Variants in SLC3A1 observed in about 807,000 individuals in gnomAD.
The protein encoded by SLC3A1 is solute carrier family 3 member 1.
SLC3A1 carries 78 observed loss-of-function variants against 60.3 expected under a neutral mutation model. That is an observed-to-expected ratio of 1.29 (90% confidence interval 1.08 to 1.56). The LOEUF (loss-of-function observed/expected upper bound fraction) is 1.56, where lower values mean the gene tolerates loss of function less well. Among genes scored for constraint, SLC3A1 ranks in the 40% most tolerant of loss-of-function variants. SLC3A1 has a pLI of 0.00. For missense variants in SLC3A1, 1,172 were observed against 858.9 expected (o/e 1.36, Z -4.56); for synonymous variants, 392 against 307.9 (o/e 1.27, Z -2.86).
At position 44,281,413 on chromosome 2, in the gene SLC3A1, C is replaced by A. The variant is rs576554728; in HGVS notation, c.637C>A (p.Pro213Thr). 2 of 1,613,034 alleles carry A rather than the reference C, an allele frequency of 1.2e-6. No individual in the cohort carries two copies. Among genetic ancestry groups the A allele is most frequent in the East Asian group, 2.2e-5 (1 of 44,864 alleles). ...TTTAAAATTAATCATCGATTTCATA[C>A]CAAACCACACGAGTGATAAACATAT... Reference protein sequence around the residue: ...KGLKLIIDFIPNHTSDKHIWF... With the variant: ...KGLKLIIDFITNHTSDKHIWF... Residue 213 changes from proline (P) to threonine (T), a missense_variant, in exon 3 of 10, where the codon CCA becomes ACA. By Grantham distance (38) the Pro-to-Thr change is conservative (BLOSUM62 -1). Coordinates refer to ENST00000260649, the MANE Select transcript of SLC3A1 (RefSeq NM_000341.4).
At chr2:44,309,110 A>C (rs2340809) in intron 7 of SLC3A1, among the ~76,000 whole-genome samples, 2 of 151,980 alleles carry the variant, frequency 1.3e-5, no homozygotes, top group African/African-American at 4.8e-5. Flanking sequence ...GTGTAATTCA[A>C]TGCATTAAAT....
chr2:44,311,723 TAAA>T (rs11443762), intron 7 of SLC3A1, among the ~76,000 whole-genome samples: 1 of 147,052 alleles, frequency 6.8e-6, no homozygotes. Flanking sequence ...CTAAGGAAGT[TAAA>T]AAAAAAAAAA....
At chr2:44,312,457 T>A (rs1015099623) in intron 7 of SLC3A1, 129 bp from the exon 8 acceptor site, 2 of 935,304 alleles carry the variant, frequency 2.1e-6, no homozygotes, top group Admixed American at 1.9e-5. Flanking sequence ...AGGACTCAAG[T>A]CCAGGCTTGC....
chr2:44,311,674 G>A (rs1672300815), intron 7 of SLC3A1, among the ~76,000 whole-genome samples: 1 of 151,036 alleles, frequency 6.6e-6, no homozygotes, highest in African/African-American at 2.4e-5. Context: ...CTTCACAATG[G>A]TCTATAAAAA....
chr2:44,320,234 A>G lies in SLC3A1; in HGVS notation c.1653A>G (p.Leu551=), dbSNP rs750506648. The change falls in exon 10 of 10, where the codon TTA becomes TTG. Residue 551 remains leucine (L), a synonymous_variant. Coordinates refer to ENST00000260649, the MANE Select transcript of SLC3A1 (RefSeq NM_000341.4). ...QKTQPRSALK[L]YQDLSLLHAN... Reference sequence around the variant, plus strand: ...CTCAGCCCAGATCGGCTTTGAAGTTATATCAAGATTTAAGTCTACTTCATG... The same window carrying G: ...CTCAGCCCAGATCGGCTTTGAAGTTGTATCAAGATTTAAGTCTACTTCATG... The G allele has an allele frequency of 2.0e-5, 32 of 1,613,902 alleles. No individual in the cohort carries two copies. The Admixed American group carries it at 5.2e-4, about 26-fold the overall frequency.
At position 44,281,064 on chromosome 2, in the gene SLC3A1, C is replaced by G. The variant is rs10427327; in HGVS notation, c.610+169C>G. ...CCGCTTTCTCTTTCTTCCTTTCCTT[C>G]CCTTCCCTTCTGTTTCCTTTTTTCC... is the stretch of plus-strand genomic sequence containing the variant. On this transcript the variant is annotated intron_variant, in intron 2 of 9. Transcript: ENST00000260649. Among the ~76,000 whole-genome samples, 1,915 of 140,048 alleles carry G rather than the reference C, an allele frequency of 0.014. 16 individuals carry two copies. Among genetic ancestry groups the G allele is most frequent in the Middle Eastern group, 0.032 (9 of 280 alleles). 91.9% of individuals were successfully genotyped at this position (140,048 alleles called of 152,430 possible). A position where few individuals can be genotyped will look rare whatever the true frequency, so the allele number is the denominator to read the frequency against.
chr2:44,280,896 G>T lies in SLC3A1; in HGVS notation c.610+1G>T. On this transcript the variant is annotated splice_donor_variant, in intron 2 of 9. Transcript: ENST00000260649. LOFTEE classifies it high-confidence loss of function. ...CTGGTTGCAGCCATACATGATAAAG[G>T]TAAGTTGAATGGAAAGTGGGCAAGA... 1 of 1,613,880 alleles carries T rather than the reference G, an allele frequency of 6.2e-7. No homozygotes were observed. The highest frequency in any genetic ancestry group is 8.5e-7 in the Non-Finnish European group (1 of 1,179,824).
chr2:44,287,850 G>A (rs1001411965), intron 4 of SLC3A1, among the ~76,000 whole-genome samples: 1 of 152,144 alleles, frequency 6.6e-6, no homozygotes, highest in Non-Finnish European at 1.5e-5. Flanking sequence ...GCCAGATAGA[G>A]TGGATGCAAG....
intron 4 of SLC3A1, among the ~76,000 whole-genome samples, chr2:44,291,892 T>C (rs1324957459): frequency 2.6e-5 from 4 of 152,126 alleles, no homozygotes; most frequent in Non-Finnish European, 5.9e-5. Flanking sequence ...CTCCTCCTCT[T>C]TGTACTGGCC....
At position 44,315,653 on chromosome 2, in the gene SLC3A1, CAAA is replaced by C. The variant is rs70965350; in HGVS notation, c.1617+1722_1617+1724del. Among the ~76,000 whole-genome samples, 6 of 52,626 alleles carry C rather than the reference CAAA, an allele frequency of 1.1e-4. No individual in the cohort carries two copies. In the South Asian group the frequency reaches 2.7e-3, roughly 23 times the overall value. The allele number at this position is 52,626 out of a possible 152,430, so 34.5% of individuals were successfully genotyped here. On this transcript the variant is annotated intron_variant, in intron 9 of 9. Coordinates refer to ENST00000260649, the MANE Select transcript of SLC3A1 (RefSeq NM_000341.4). ...CCTGGGTGCCAGAGTAAGACCGCCT[CAAA>C]AAAAAAAAAAAAAAAAAAAGCAGAG...
Position 44,320,519 on chromosome 2 carries a change from C to T in SLC3A1, c.1938C>T (p.Leu646=). Residue 646 remains leucine, a synonymous_variant, in exon 10 of 10, where the codon CTC becomes CTT. Transcript: ENST00000260649. ...SGIFLDKGEG[L]IFEHNTKNLL... Reference sequence around the variant, plus strand: ...TTTTTCTGGACAAGGGAGAGGGACTCATCTTTGAACACAACACGAAGAATC... The same window carrying T: ...TTTTTCTGGACAAGGGAGAGGGACTTATCTTTGAACACAACACGAAGAATC... 6.2e-7 allele frequency: 1 copy of T among 1,614,086 alleles called. No homozygotes were observed. Among genetic ancestry groups the T allele is most frequent in the Non-Finnish European group, 8.5e-7 (1 of 1,179,942 alleles).
At chr2:44,305,555 G>A (rs914003003) in intron 7 of SLC3A1, among the ~76,000 whole-genome samples, 3 of 151,130 alleles carry the variant, frequency 2.0e-5, no homozygotes, top group Non-Finnish European at 4.4e-5. Flanking sequence ...AGCCTCCTGA[G>A]TAGCTGGGAT....
At chr2:44,309,600 T>A (rs926456205) in intron 7 of SLC3A1, among the ~76,000 whole-genome samples, 1 of 152,124 alleles carries the variant, frequency 6.6e-6, no homozygotes, top group Non-Finnish European at 1.5e-5. Flanking sequence ...ACATAATACT[T>A]CTTTTGTTTT....
At chr2:44,277,067 G>A (rs1016607502) in intron 1 of SLC3A1, among the ~76,000 whole-genome samples, 2 of 145,162 alleles carry the variant, frequency 1.4e-5, no homozygotes, top group African/African-American at 5.1e-5. Context: ...CTAGTAGAAG[G>A]CTTTTCTTTT....
At chr2:44,288,122 G>A (rs191029683) in intron 4 of SLC3A1, among the ~76,000 whole-genome samples, 3 of 151,644 alleles carry the variant, frequency 2.0e-5, no homozygotes, top group African/African-American at 7.3e-5. Flanking sequence ...GTGCCTCCCA[G>A]GTTCAAGCGA....
chr2:44,310,311 C>G (rs1477619220), intron 7 of SLC3A1, among the ~76,000 whole-genome samples: 1 of 152,224 alleles, frequency 6.6e-6, no homozygotes, highest in Non-Finnish European at 1.5e-5. Context: ...TTCATCCTCA[C>G]CAACACTTTT....
At chr2:44,278,138 A>G (rs1256740791) in intron 1 of SLC3A1, among the ~76,000 whole-genome samples, 1 of 152,158 alleles carries the variant, frequency 6.6e-6, no homozygotes, top group Admixed American at 6.6e-5. Context: ...ACTGGGGTAC[A>G]GAGACAGAAA....
intron 8 of SLC3A1, among the ~76,000 whole-genome samples, chr2:44,313,142 A>G (rs1672340773): frequency 6.6e-6 from 1 of 152,008 alleles, no homozygotes; most frequent in African/African-American, 2.4e-5. Flanking sequence ...AGGAACACTT[A>G]TTTCTTTAGT....
Position 44,275,499 on chromosome 2 carries a change from T to G in SLC3A1, c.-37T>G. 1 of 1,576,120 alleles carries G rather than the reference T, an allele frequency of 6.3e-7. No homozygotes were observed. The highest frequency in any genetic ancestry group is 8.7e-7 in the Non-Finnish European group (1 of 1,148,038). On this transcript the variant is annotated 5_prime_UTR_variant, in exon 1 of 10. Transcript: ENST00000260649. ...CAAGCCACTCTTCCACCTCCCTTACTGCAGGAAGGCACTCCGAAGACATAA... is the reference window on the plus strand; with the variant it reads ...CAAGCCACTCTTCCACCTCCCTTACGGCAGGAAGGCACTCCGAAGACATAA...
Sources: allele counts gnomAD v4.1 joint callset (sites outside exome capture counted in the v4.1 genomes callset), GRCh38; gene constraint gnomAD v4.1.1; transcripts MANE v1.5; gene names NCBI Gene and HGNC (gene_info 2026-07-23, HGNC 2026-07-21).